Variants in PHTF2 observed in about 807,000 individuals in gnomAD.
PHTF2 encodes the protein protein PHTF2.
PHTF2 carries 60 observed loss-of-function variants against 101.2 expected under a neutral mutation model. The observed-to-expected ratio is 0.59, with a 90% CI of 0.48 to 0.73. The LOEUF (loss-of-function observed/expected upper bound fraction) is 0.73. PHTF2 is among the 30% of genes least tolerant of loss of function. The pLI is 0.00. For missense variants in PHTF2, 747 were observed against 908.7 expected, an observed-to-expected ratio of 0.82 and a Z score of 2.29; for synonymous variants, 311 against 307.3, an observed-to-expected ratio of 1.01 and a Z score of -0.13.
intron 1 of PHTF2, among the ~76,000 whole-genome samples, chr7:77,820,148 C>G (rs888357089): frequency 6.6e-6 from 1 of 152,154 alleles, no homozygotes; most frequent in African/African-American, 2.4e-5. Flanking sequence ...CTCGGCCTCC[C>G]AAAGTGCTGG....
At chr7:77,807,899 C>T (rs772143995) in intron 1 of PHTF2, among the ~76,000 whole-genome samples, 1 of 152,008 alleles carries the variant, frequency 6.6e-6, no homozygotes, top group African/African-American at 2.4e-5. Context: ...AAAGGTCCAC[C>T]TTCATTTTTT....
chr7:77,901,835 AT>A lies in PHTF2; in HGVS notation c.365del (p.Phe122SerfsTer11). 2 of 1,597,460 alleles carry A rather than the reference AT, an allele frequency of 1.3e-6. No individual in the cohort carries two copies. Among genetic ancestry groups the A allele is most frequent in the South Asian group, 1.1e-5 (1 of 88,176 alleles). The stretch of plus-strand genomic sequence containing the variant: ...CCAGAAAGGGAATTGTTCGAGTTGT[AT>A]TTTTCCCCTTTTTCTTCCGGTGGTG... On this transcript the variant is annotated frameshift_variant, in exon 7 of 20. Transcript: ENST00000416283. LOFTEE classifies it high-confidence loss of function.
chr7:77,880,430 A>G (rs1040124712), intron 3 of PHTF2, among the ~76,000 whole-genome samples: 36 of 152,062 alleles, frequency 2.4e-4, no homozygotes, highest in African/African-American at 8.0e-4. Flanking sequence ...TACCCTGTTC[A>G]TCTCTCTCAA....
At chr7:77,874,748 T>A (rs1562900378) in intron 3 of PHTF2, among the ~76,000 whole-genome samples, 1 of 152,228 alleles carries the variant, frequency 6.6e-6, no homozygotes, top group Non-Finnish European at 1.5e-5. Flanking sequence ...GGATCAATAC[T>A]TTGTATCCTT....
chr7:77,828,537 G>T (rs1338109383), intron 1 of PHTF2, among the ~76,000 whole-genome samples: 1 of 152,106 alleles, frequency 6.6e-6, no homozygotes, highest in Non-Finnish European at 1.5e-5. Flanking sequence ...TAGGCTGGGC[G>T]CAGTGGCTTA....
intron 1 of PHTF2, among the ~76,000 whole-genome samples, chr7:77,825,024 C>T (rs547809387): frequency 1.3e-5 from 2 of 152,074 alleles, no homozygotes; most frequent in African/African-American, 4.8e-5. Flanking sequence ...GGTGACAGAG[C>T]GAGCCTCTGT....
At chr7:77,900,628 A>G (rs1408660341) in intron 5 of PHTF2, 83 bp from the exon 5 acceptor site, 2 of 747,564 alleles carry the variant, frequency 2.7e-6, no homozygotes, top group African/African-American at 1.7e-5. Flanking sequence ...TTTATTTTAA[A>G]TTGAAAGCTT....
At chr7:77,851,671 G>A (rs1284103968) in intron 2 of PHTF2, among the ~76,000 whole-genome samples, 1 of 148,546 alleles carries the variant, frequency 6.7e-6, no homozygotes, top group Non-Finnish European at 1.5e-5. Context: ...GAGCTCAAGT[G>A]ATCTGGCTGC....
chr7:77,824,494 C>T (rs1460105924), intron 1 of PHTF2, among the ~76,000 whole-genome samples: 5 of 151,950 alleles, frequency 3.3e-5, no homozygotes, highest in African/African-American at 1.2e-4. Flanking sequence ...GGTGCAATCT[C>T]GGCTCACTGC....
At chr7:77,853,561 T>G (rs1314871182) in intron 2 of PHTF2, among the ~76,000 whole-genome samples, 1 of 151,974 alleles carries the variant, frequency 6.6e-6, no homozygotes, top group Non-Finnish European at 1.5e-5. Context: ...GCCCAGCTAA[T>G]TTTTTGTATT....
At chr7:77,832,200 G>GAACTCA (rs1795126764) in intron 1 of PHTF2, among the ~76,000 whole-genome samples, 1 of 152,158 alleles carries the variant, frequency 6.6e-6, no homozygotes, top group African/African-American at 2.4e-5. Flanking sequence ...TAGATAAAGT[G>GAACTCA]GCTGCATTCA....
chr7:77,882,013 G>A (rs1162884720), intron 3 of PHTF2, among the ~76,000 whole-genome samples: 1 of 152,152 alleles, frequency 6.6e-6, no homozygotes, highest in Non-Finnish European at 1.5e-5. Flanking sequence ...ACTTGAGTCA[G>A]TGTTTTACTA....
chr7:77,927,806 A>G (rs902331229), intron 11 of PHTF2, among the ~76,000 whole-genome samples: 1 of 152,244 alleles, frequency 6.6e-6, no homozygotes, highest in African/African-American at 2.4e-5. Flanking sequence ...TAATCAAAGC[A>G]AAGAACAAGC....
chr7:77,885,958 CATG>C (rs978380848), intron 3 of PHTF2, among the ~76,000 whole-genome samples: 13 of 152,232 alleles, frequency 8.5e-5, no homozygotes, highest in South Asian at 2.1e-4. Flanking sequence ...AGAAACTAAA[CATG>C]GTGGTAGGAA....
At chr7:77,806,859 G>T (rs1406739079) in intron 1 of PHTF2, among the ~76,000 whole-genome samples, 2 of 151,874 alleles carry the variant, frequency 1.3e-5, no homozygotes, top group African/African-American at 4.8e-5. Context: ...CTACTTTTGA[G>T]TAAAAAAACT....
At chr7:77,848,545 T>A (rs1300843642) in intron 2 of PHTF2, among the ~76,000 whole-genome samples, 2 of 152,234 alleles carry the variant, frequency 1.3e-5, no homozygotes, top group Non-Finnish European at 2.9e-5. Flanking sequence ...TGCCCATTTT[T>A]AAAATGGATT....
At chr7:77,812,811 G>A (rs970640824) in intron 1 of PHTF2, among the ~76,000 whole-genome samples, 19 of 152,036 alleles carry the variant, frequency 1.2e-4, no homozygotes, top group Non-Finnish European at 1.9e-4. Flanking sequence ...GGATGGTCTC[G>A]ATCTCCTGAC....
rs574593550 is a variant in PHTF2 at position 77,925,774 on chromosome 7, C to T, written c.1119+2996C>T. Among the ~76,000 whole-genome samples the T allele has an allele frequency of 3.9e-5, 6 of 152,182 alleles. No homozygotes were observed. The South Asian group carries it at 6.2e-4, about 16-fold the overall frequency. ...AGTTTTAAATGTATAAAATGACCCA[C>T]TTGGCCGGGTGCGGTGCTCATGCTT... is the stretch of plus-strand genomic sequence containing the variant. On this transcript the variant is annotated intron_variant, in intron 11 of 19. Coordinates refer to ENST00000416283, the Ensembl canonical transcript of PHTF2.
intron 3 of PHTF2, among the ~76,000 whole-genome samples, chr7:77,863,996 G>T (rs1344531075): frequency 2.0e-5 from 3 of 151,960 alleles, no homozygotes; most frequent in Non-Finnish European, 4.4e-5. Context: ...CCCAGGCTGG[G>T]CTCAAACTCC....
Sources: gnomAD v4.1 joint callset for allele counts (sites outside exome capture counted in the v4.1 genomes callset) on GRCh38, gnomAD v4.1.1 for gene constraint, MANE v1.5 for transcripts, NCBI Gene and HGNC (gene_info 2026-07-23, HGNC 2026-07-21) for gene names.